The following UNC80 variants were observed in gnomAD, a reference collection of about 807,000 sequenced individuals.
UNC80 encodes the protein protein unc-80 homolog.
In UNC80, 164 loss-of-function variants were observed where a neutral mutation model predicts 384.6. The ratio of observed to expected loss-of-function variants is 0.43; its 90% confidence interval spans 0.38 to 0.49. The LOEUF is 0.49. Ranked by LOEUF, UNC80 falls within the 20% of genes least tolerant of loss-of-function variation. The pLI is 0.00. For missense variants in UNC80, 3,330 were observed against 4,143.0 expected, an observed-to-expected ratio of 0.80 and a Z score of 5.39; for synonymous variants, 1,486 against 1,527.8, an observed-to-expected ratio of 0.97 and a Z score of 0.64.
At chr2:209,934,149 A>G in intron 39 of UNC80, 144 bp downstream of exon 39, 1 of 804,884 alleles carries the variant, frequency 1.2e-6, no homozygotes, top group Non-Finnish European at 1.9e-6. Context: ...ATTTTTGTTT[A>G]ATATAATCAG....
chr2:209,808,799 C>CGCTACT, intron 7 of UNC80: 15 of 339,114 alleles, frequency 4.4e-5, no homozygotes, highest in Non-Finnish European at 5.1e-5. Context: ...GTTGCCTCTG[C>CGCTACT]CACCATGCCG....
At chr2:209,986,434 T>C (rs2093289033) in intron 61 of UNC80, among the ~76,000 whole-genome samples, 1 of 152,214 alleles carries the variant, frequency 6.6e-6, no homozygotes, top group African/African-American at 2.4e-5. Flanking sequence ...TCTGGTAGGC[T>C]CAGGGTTCAG....
intron 58 of UNC80, among the ~76,000 whole-genome samples, chr2:209,977,706 G>A (rs1428998249): frequency 6.6e-6 from 1 of 152,162 alleles, no homozygotes; most frequent in Non-Finnish European, 1.5e-5. Flanking sequence ...CTTAGAGCTG[G>A]CAAACTAGGA....
intron 22 of UNC80, among the ~76,000 whole-genome samples, chr2:209,863,577 A>C (rs954233438): frequency 1.3e-5 from 2 of 151,538 alleles, no homozygotes; most frequent in Non-Finnish European, 2.9e-5. Flanking sequence ...TCCTTATTTC[A>C]GCAAGGTGGT....
chr2:209,802,228 A>C (rs1173453043), intron 7 of UNC80, among the ~76,000 whole-genome samples: 1 of 152,116 alleles, frequency 6.6e-6, no homozygotes, highest in African/African-American at 2.4e-5. Flanking sequence ...AGCTTTAGTG[A>C]TCTGTTGCAC....
intron 25 of UNC80, among the ~76,000 whole-genome samples, chr2:209,883,415 A>T (rs969599831): frequency 7.6e-6 from 1 of 131,400 alleles, no homozygotes; most frequent in Non-Finnish European, 1.6e-5. Context: ...CCTGGCAACC[A>T]CCATTCCACT....
At chr2:209,892,268 G>A (rs1333339210) in intron 26 of UNC80, among the ~76,000 whole-genome samples, 2 of 152,158 alleles carry the variant, frequency 1.3e-5, no homozygotes, top group Non-Finnish European at 2.9e-5. Flanking sequence ...AGCAGGACTT[G>A]CTAATTGATA....
At position 209,994,197 on chromosome 2, in the gene UNC80, A is replaced by G. The variant is rs1312625044; in HGVS notation, c.9641A>G (p.Asp3214Gly). 1.3e-6 allele frequency: 2 copies of G among 1,551,442 alleles called. No individual in the cohort carries two copies. The highest frequency in any genetic ancestry group is 2.4e-5 in the South Asian group (2 of 84,058). Residue 3214 changes from aspartate (D) to glycine (G), a missense_variant, in exon 64 of 65, where the codon GAC becomes GGC. By Grantham distance (94) the Asp-to-Gly change is moderately conservative. Transcript: ENST00000673920. ...PAPSRKPEAM[D>G]EPVLTSSPAI... ...CCTTCTAGGAAACCAGAAGCAATGGACGAACCAGTCCTCACATCTTCTCCC... is the reference window on the plus strand; with the variant it reads ...CCTTCTAGGAAACCAGAAGCAATGGGCGAACCAGTCCTCACATCTTCTCCC...
intron 51 of UNC80, among the ~76,000 whole-genome samples, chr2:209,965,709 A>C (rs112730337): frequency 0.032 from 4,926 of 152,048 alleles, 166 homozygotes; most frequent in South Asian, 0.14. Flanking sequence ...GCGTGAGCCA[A>C]CACACCCGGC....
intron 47 of UNC80, among the ~76,000 whole-genome samples, chr2:209,953,833 C>A (rs1384449715): frequency 6.6e-6 from 1 of 152,154 alleles, no homozygotes; most frequent in Non-Finnish European, 1.5e-5. Flanking sequence ...TTCTTTCAAC[C>A]ATTTATTTGT....
intron 7 of UNC80, among the ~76,000 whole-genome samples, chr2:209,797,565 G>C (rs918099373): frequency 1.6e-4 from 24 of 152,102 alleles, no homozygotes; most frequent in Admixed American, 2.0e-4. Context: ...TCTTTATCCA[G>C]TCTATCATTG....
intron 5 of UNC80, among the ~76,000 whole-genome samples, chr2:209,786,426 T>A (rs2077430085): frequency 6.6e-6 from 1 of 152,210 alleles, no homozygotes; most frequent in African/African-American, 2.4e-5. Flanking sequence ...ATCTGTAAAC[T>A]GGGAATTTAA....
chr2:209,895,964 A>G (rs1484327998), intron 27 of UNC80, among the ~76,000 whole-genome samples: 3 of 152,164 alleles, frequency 2.0e-5, no homozygotes, highest in African/African-American at 4.8e-5. Context: ...CCTTAAATAC[A>G]CCTGCAAGGT....
intron 5 of UNC80, 51 bp downstream of exon 5, chr2:209,786,240 A>T: frequency 3.2e-6 from 5 of 1,578,966 alleles, no homozygotes; most frequent in Non-Finnish European, 4.3e-6. Context: ...TCCCTCACAC[A>T]CAGTAGTTAG....
rs1384664795 is a variant in UNC80, at chr2:209,819,085, A to G, written c.1786A>G (p.Met596Val). Reference protein sequence around the residue: ...VGYADFFNEHMRKLCNQVPIP... With the variant: ...VGYADFFNEHVRKLCNQVPIP... ...CTATGCAGACTTTTTCAATGAGCAT[A>G]TGAGGAAACTCTGCAACCAGGTGCC... The change falls in exon 12 of 65, where the codon ATG becomes GTG. Residue 596 changes from methionine (M) to valine (V), a missense_variant. Transcript: ENST00000673920. The G allele has an allele frequency of 1.9e-6, 3 of 1,552,032 alleles. No individual in the cohort carries two copies. The highest frequency in any genetic ancestry group is 2.4e-5 in the East Asian group (1 of 40,922).
chr2:209,880,879 G>T (rs1270458101), intron 24 of UNC80, 82 bp from the exon 25 acceptor site: 6 of 1,331,870 alleles, frequency 4.5e-6, no homozygotes, highest in Non-Finnish European at 6.3e-6. Flanking sequence ...TTCTATACAT[G>T]TGTAGCTATG....
At chr2:209,957,569 C>T in intron 48 of UNC80, 75 bp from the exon 49 acceptor site, 1 of 1,304,656 alleles carries the variant, frequency 7.7e-7, no homozygotes, top group Non-Finnish European at 1.1e-6. Context: ...GCTTCAGTAA[C>T]TTGAGGATTT....
At position 209,970,769 on chromosome 2, in the gene UNC80, T is replaced by C. The variant is rs994980697; in HGVS notation, c.8131-63T>C. The C allele has an allele frequency of 4.0e-6, 6 of 1,517,712 alleles. No homozygotes were observed. The Admixed American group carries it at 1.1e-4, about 28-fold the overall frequency. The allele number at this position is 1,517,712 out of a possible 1,614,324, so 94.0% of individuals were successfully genotyped here. On this transcript the variant is annotated intron_variant, in intron 53 of 64. Transcript: ENST00000673920. ...TTATTATCATCATCATTGAGACTCC[T>C]TTACTACGGTTGCATGAAATTGCAA...
chr2:209,838,060 T>C (rs573230848), intron 18 of UNC80, among the ~76,000 whole-genome samples: 219 of 152,218 alleles, frequency 1.4e-3, no homozygotes, highest in Non-Finnish European at 2.8e-3. Context: ...TGTGAGCCAC[T>C]GCGCCCGGCC....
Sources: allele counts gnomAD v4.1 joint callset (sites outside exome capture counted in the v4.1 genomes callset), GRCh38; gene constraint gnomAD v4.1.1; transcripts MANE v1.5; gene names NCBI Gene and HGNC (gene_info 2026-07-23, HGNC 2026-07-21).